The following CYP4F22 variants were observed in gnomAD, a reference collection of about 807,000 sequenced individuals.
CYP4F22 encodes cytochrome P450 family 4 subfamily F member 22, also known as ultra-long-chain fatty acid omega-hydroxylase.
CYP4F22 carries 37 observed loss-of-function variants against 60.4 expected under a neutral mutation model. The ratio of observed to expected loss-of-function variants is 0.61; its 90% confidence interval spans 0.47 to 0.81. The LOEUF is 0.81. Among genes scored for constraint, CYP4F22 ranks in the 30% least tolerant of loss-of-function variants. CYP4F22 has a pLI of 0.00. For synonymous variants in CYP4F22, 258 were observed against 280.5 expected (o/e 0.92, Z 0.80); for missense variants, 655 against 715.0 (o/e 0.92, Z 0.96).
chr19:15,550,568 G>A, intron 12 of CYP4F22, 106 bp from the exon 13 acceptor site: 1 of 1,103,490 alleles, frequency 9.1e-7, no homozygotes, highest in Non-Finnish European at 1.4e-6. Flanking sequence ...GTGGCCCTGG[G>A]GTGCTCCCCA....
chr19:15,518,688 GA>G (rs112651893), intron 1 of CYP4F22, among the ~76,000 whole-genome samples: 11,033 of 83,522 alleles, frequency 0.13, 789 homozygotes, highest in African/African-American at 0.28. Context: ...ACAAAACACA[GA>G]AAAAAAAAAA....
At chr19:15,531,842 T>G (rs995300096) in intron 4 of CYP4F22, among the ~76,000 whole-genome samples, 1 of 152,082 alleles carries the variant, frequency 6.6e-6, no homozygotes, top group Non-Finnish European at 1.5e-5. Context: ...CAGTGACTCA[T>G]GCCTGCAGTC....
At chr19:15,520,403 T>G (rs1274558341) in intron 1 of CYP4F22, among the ~76,000 whole-genome samples, 2 of 90,194 alleles carry the variant, frequency 2.2e-5, no homozygotes, top group Non-Finnish European at 4.1e-5. Flanking sequence ...TTTTTTGCTG[T>G]TTTTTTTTTT....
intron 12 of CYP4F22, among the ~76,000 whole-genome samples, chr19:15,549,920 G>GTTAT (rs201614481): frequency 1.3e-4 from 20 of 152,074 alleles, no homozygotes; most frequent in East Asian, 1.2e-3. Flanking sequence ...ATGAGCTATG[G>GTTAT]TTATTTATTT....
At chr19:15,547,213 T>C (rs1336351977) in intron 10 of CYP4F22, among the ~76,000 whole-genome samples, 3 of 151,490 alleles carry the variant, frequency 2.0e-5, no homozygotes, top group African/African-American at 7.3e-5. Flanking sequence ...TTAGTAAAGA[T>C]GGGGTTTTGC....
At chr19:15,518,205 T>C (rs1162636675) in intron 1 of CYP4F22, among the ~76,000 whole-genome samples, 1 of 151,756 alleles carries the variant, frequency 6.6e-6, no homozygotes, top group African/African-American at 2.4e-5. Context: ...GGCATGGTGG[T>C]GCATGCCTGT....
At chr19:15,529,211 C>T (rs975453328) in intron 3 of CYP4F22, among the ~76,000 whole-genome samples, 1 of 151,712 alleles carries the variant, frequency 6.6e-6, no homozygotes, top group Non-Finnish European at 1.5e-5. Flanking sequence ...TCACTGCAAC[C>T]TCTGCCTCCT....
chr19:15,535,286 G>A lies in CYP4F22; in HGVS notation c.368-2075G>A, dbSNP rs565778992. Among the ~76,000 whole-genome samples, 3 of 152,322 alleles carry A rather than the reference G, an allele frequency of 2.0e-5. No homozygotes were observed. The East Asian group carries it at 5.8e-4, about 29-fold the overall frequency. ...CTGCCCCACTCAGGAGCTCCTCCAG[G>A]GAGGGCATAGAGCTGAGCCATCTGT... On this transcript the variant is annotated intron_variant, in intron 4 of 13. Transcript: ENST00000269703.
In CYP4F22 at chr19:15,544,030, GT is replaced by G. The variant is rs745852323; in HGVS notation, c.1002del (p.Phe334LeufsTer36). On this transcript the variant is annotated frameshift_variant, in exon 9 of 14. Coordinates refer to ENST00000269703, the MANE Select transcript of CYP4F22 (RefSeq NM_173483.4). LOFTEE classifies it high-confidence loss of function. ...DIRAEADTFM[F>X]EGHDTTSSGI... is the part of the protein sequence containing the mutation. ...TCCGAGCCGAAGCAGACACCTTCAT[GT>G]TTGAGGGTGAGGATGTGGGGTGAGG... The G allele has an allele frequency of 3.7e-6, 6 of 1,613,992 alleles. No homozygotes were observed. Among genetic ancestry groups the G allele is most frequent in the Non-Finnish European group, 5.1e-6 (6 of 1,180,014 alleles).
At chr19:15,548,769 T>A (rs1339335631) in intron 11 of CYP4F22, among the ~76,000 whole-genome samples, 1 of 151,940 alleles carries the variant, frequency 6.6e-6, no homozygotes, top group Non-Finnish European at 1.5e-5. Flanking sequence ...TGAGCATGTT[T>A]ATGGAGTAGA....
chr19:15,549,050 C>A, intron 11 of CYP4F22, 88 bp from the exon 12 acceptor site: 3 of 1,466,276 alleles, frequency 2.0e-6, no homozygotes, highest in Admixed American at 1.7e-5. Flanking sequence ...ATGGGAACAT[C>A]ATGGCTCTAG....
At chr19:15,537,231 G>A (rs1971405026) in intron 4 of CYP4F22, 130 bp from the exon 5 acceptor site, 8 of 1,201,098 alleles carry the variant, frequency 6.7e-6, no homozygotes, top group Middle Eastern at 2.7e-4. Context: ...AACCTGGGAG[G>A]CGGAGGTTGC....
At chr19:15,543,900 A>C in intron 8 of CYP4F22, 71 bp from the exon 9 acceptor site, 1 of 1,213,640 alleles carries the variant, frequency 8.2e-7, no homozygotes, top group Non-Finnish European at 1.2e-6. Flanking sequence ...GAGATATCTG[A>C]GTTTTGAGGA....
rs145602283 is a variant in CYP4F22, at chr19:15,511,324, T to C, written c.-109+2741T>C. Among the ~76,000 whole-genome samples, 587 of 151,802 alleles carry C rather than the reference T, an allele frequency of 3.9e-3. 2 individuals carry two copies. Among genetic ancestry groups the C allele is most frequent in the African/African-American group, 0.014 (561 of 41,374 alleles). On this transcript the variant is annotated intron_variant, in intron 1 of 13. Coordinates refer to ENST00000269703, the MANE Select transcript of CYP4F22 (RefSeq NM_173483.4). The stretch of plus-strand genomic sequence containing the variant: ...TTAAAAAAAAATTAGCTGAGCATGG[T>C]GGCAGGCGCCTGTAGTCCCAGCTAC...
Position 15,548,215 on chromosome 19 carries a change from T to C in CYP4F22, c.1244T>C (p.Leu415Pro), listed in dbSNP as rs1971555526. 6.2e-7 allele frequency: 1 copy of C among 1,614,072 alleles called. No homozygotes were observed. The highest frequency in any genetic ancestry group is 1.1e-5 in the South Asian group (1 of 91,076). The change falls in exon 11 of 14, where the codon CTC becomes CCC. Residue 415 changes from leucine to proline, a missense_variant. This residue lies in a region of CYP4F22 where 74 missense variants were observed against 118.4 expected (regional missense o/e 0.62). Transcript: ENST00000269703. ...VSRQCTEDIK[L>P]PDGRIIPKGI... The stretch of plus-strand genomic sequence containing the variant: ...CGCCAATGCACGGAGGACATCAAGC[T>C]CCCAGATGGGCGCATCATCCCCAAA...
intron 8 of CYP4F22, among the ~76,000 whole-genome samples, chr19:15,542,491 T>A (rs530671978): frequency 6.6e-6 from 1 of 152,132 alleles, no homozygotes; most frequent in African/African-American, 2.4e-5. Context: ...GAGCCAAGAT[T>A]GCGCCACTGC....
intron 8 of CYP4F22, among the ~76,000 whole-genome samples, chr19:15,541,740 C>T (rs1329331476): frequency 6.6e-6 from 1 of 151,532 alleles, no homozygotes; most frequent in African/African-American, 2.4e-5. Flanking sequence ...ATTAGCCGGG[C>T]GTGGTGGCAC....
intron 1 of CYP4F22, among the ~76,000 whole-genome samples, chr19:15,522,314 A>G (rs1186304474): frequency 6.6e-6 from 1 of 152,068 alleles, no homozygotes; most frequent in African/African-American, 2.4e-5. Flanking sequence ...ATCCATCCCA[A>G]TTGGGATCTC....
chr19:15,533,983 A>G (rs1487821854), intron 4 of CYP4F22, among the ~76,000 whole-genome samples: 1 of 152,144 alleles, frequency 6.6e-6, no homozygotes, highest in Non-Finnish European at 1.5e-5. Context: ...AGAATTGCCA[A>G]GTCATATGGA....
Sources: gnomAD v4.1 joint callset for allele counts (sites outside exome capture counted in the v4.1 genomes callset) on GRCh38, gnomAD v4.1.1 for gene constraint, gnomAD v4.1.1 regional missense constraint, MANE v1.5 for transcripts, NCBI Gene and HGNC (gene_info 2026-07-23, HGNC 2026-07-21) for gene names.